Variants in FHIT observed in about 807,000 individuals in gnomAD.
FHIT encodes the protein bis(5'-adenosyl)-triphosphatase.
FHIT carries 19 observed loss-of-function variants against 17.9 expected under a neutral mutation model. That is an observed-to-expected ratio of 1.06 (90% CI 0.74 to 1.56). The LOEUF is 1.56. Among genes scored for constraint, FHIT ranks in the 40% most tolerant of loss-of-function variants. FHIT has a pLI of 0.00. For synonymous variants in FHIT, 81 were observed against 69.7 expected, an observed-to-expected ratio of 1.16 and a Z score of -0.81; for missense variants, 248 against 189.2, an observed-to-expected ratio of 1.31 and a Z score of -1.82.
At chr3:61,002,717 G>C (rs1160477888) in intron 3 of FHIT, among the ~76,000 whole-genome samples, 1 of 151,832 alleles carries the variant, frequency 6.6e-6, no homozygotes, top group East Asian at 1.9e-4. Context: ...GATTGCTCAG[G>C]GTAAGAAATC....
chr3:59,860,424 T>C (rs113670880), intron 8 of FHIT, among the ~76,000 whole-genome samples: 6 of 152,296 alleles, frequency 3.9e-5, no homozygotes, highest in African/African-American at 1.4e-4. Context: ...ACAGTTGCCA[T>C]AGGGAATGGA....
At chr3:59,872,524 C>T (rs544466087) in intron 8 of FHIT, among the ~76,000 whole-genome samples, 1 of 152,230 alleles carries the variant, frequency 6.6e-6, no homozygotes, top group South Asian at 2.1e-4. Flanking sequence ...GAGGGAATGG[C>T]CTTTTCTGAG....
chr3:60,141,667 A>C (rs540942637), intron 5 of FHIT, among the ~76,000 whole-genome samples: 2 of 152,174 alleles, frequency 1.3e-5, no homozygotes, highest in Admixed American at 1.3e-4. Context: ...AAAACATCCT[A>C]AAGAGTCAAC....
chr3:60,419,297 C>T (rs1178005708), intron 5 of FHIT, among the ~76,000 whole-genome samples: 1 of 151,990 alleles, frequency 6.6e-6, no homozygotes, highest in Non-Finnish European at 1.5e-5. Flanking sequence ...CAACACTCAC[C>T]TCTCTATCAT....
At chr3:60,137,510 C>T (rs1699865153) in intron 5 of FHIT, among the ~76,000 whole-genome samples, 1 of 152,172 alleles carries the variant, frequency 6.6e-6, no homozygotes, top group African/African-American at 2.4e-5. Flanking sequence ...AGGTAGCTAG[C>T]TGCCAGACAC....
chr3:60,949,238 G>A (rs1708771872), intron 3 of FHIT, among the ~76,000 whole-genome samples: 1 of 152,146 alleles, frequency 6.6e-6, no homozygotes, highest in African/African-American at 2.4e-5. Context: ...GGTGGCAGGA[G>A]GGGAGCATGT....
At chr3:60,502,052 G>A (rs1158793908) in intron 5 of FHIT, among the ~76,000 whole-genome samples, 1 of 152,198 alleles carries the variant, frequency 6.6e-6, no homozygotes, top group African/African-American at 2.4e-5. Flanking sequence ...AATCAAGGGG[G>A]TCTAGGTTGT....
chr3:60,904,775 A>G (rs1345023117), intron 3 of FHIT, among the ~76,000 whole-genome samples: 1 of 151,848 alleles, frequency 6.6e-6, no homozygotes, highest in East Asian at 1.9e-4. Context: ...CCCCATCTCT[A>G]CTAAAAATAC....
intron 4 of FHIT, among the ~76,000 whole-genome samples, chr3:60,538,327 A>G (rs2036061354): frequency 6.6e-6 from 1 of 152,220 alleles, no homozygotes; most frequent in Non-Finnish European, 1.5e-5. Flanking sequence ...ATGCTCATGG[A>G]TAGGAAGAAC....
At chr3:60,826,213 A>C (rs62249313) in intron 3 of FHIT, among the ~76,000 whole-genome samples, 2 of 111,264 alleles carry the variant, frequency 1.8e-5, no homozygotes, top group African/African-American at 6.6e-5. Flanking sequence ...AAGGAAGGAA[A>C]GAAGGAAGGA....
chr3:60,045,798 C>T (rs1464127952), intron 5 of FHIT, among the ~76,000 whole-genome samples: 1 of 152,036 alleles, frequency 6.6e-6, no homozygotes, highest in East Asian at 1.9e-4. Context: ...ATTTCCAAGT[C>T]TCTGGATCAA....
chr3:60,417,692 G>A (rs898045555), intron 5 of FHIT, among the ~76,000 whole-genome samples: 5 of 152,120 alleles, frequency 3.3e-5, no homozygotes, highest in African/African-American at 1.2e-4. Context: ...GAATGTTCCC[G>A]GGGCTCTGAT....
At chr3:60,546,487 T>C (rs1403961079) in intron 4 of FHIT, among the ~76,000 whole-genome samples, 1 of 152,210 alleles carries the variant, frequency 6.6e-6, no homozygotes, top group Admixed American at 6.5e-5. Context: ...TTGATATTGT[T>C]ATAATTTCAA....
intron 5 of FHIT, among the ~76,000 whole-genome samples, chr3:60,481,519 T>C (rs1049794333): frequency 1.3e-5 from 2 of 152,146 alleles, no homozygotes; most frequent in African/African-American, 4.8e-5. Flanking sequence ...GGGGCCAATA[T>C]TCAGCATTCT....
intron 7 of FHIT, among the ~76,000 whole-genome samples, chr3:59,963,906 G>C (rs1383107938): frequency 6.6e-6 from 1 of 152,182 alleles, no homozygotes; most frequent in Admixed American, 6.5e-5. Flanking sequence ...ATAAACAGAT[G>C]CATGTCACTA....
At chr3:60,902,743 T>C (rs1706189134) in intron 3 of FHIT, among the ~76,000 whole-genome samples, 1 of 152,176 alleles carries the variant, frequency 6.6e-6, no homozygotes, top group African/African-American at 2.4e-5. Context: ...CTAACCTAGT[T>C]TGAGCACCTG....
chr3:60,762,493 C>T (rs1353692777), intron 4 of FHIT, among the ~76,000 whole-genome samples: 1 of 152,164 alleles, frequency 6.6e-6, no homozygotes, highest in Non-Finnish European at 1.5e-5. Flanking sequence ...AAGGCATAAC[C>T]ATGCAGAAAG....
At chr3:60,291,092 G>A (rs528816953) in intron 5 of FHIT, among the ~76,000 whole-genome samples, 10 of 152,172 alleles carry the variant, frequency 6.6e-5, no homozygotes, top group Non-Finnish European at 1.5e-4. Flanking sequence ...CACAGCTGAG[G>A]AAATCAAGGC....
intron 5 of FHIT, among the ~76,000 whole-genome samples, chr3:60,486,217 T>C (rs1052398054): frequency 7.9e-5 from 12 of 152,228 alleles, no homozygotes; most frequent in African/African-American, 2.9e-4. Flanking sequence ...TAAACAATAA[T>C]AGAAAACAGG....
Sources: gnomAD v4.1 joint callset for allele counts (sites outside exome capture counted in the v4.1 genomes callset) on GRCh38, gnomAD v4.1.1 for gene constraint, MANE v1.5 for transcripts, NCBI Gene and HGNC (gene_info 2026-07-23, HGNC 2026-07-21) for gene names.